RASA2: variants seen among roughly 807,000 people sequenced by gnomAD.
RASA2 encodes the protein RAS p21 protein activator 2, also known as ras GTPase-activating protein 2.
RASA2 carries 155 observed loss-of-function variants against 118.2 expected under a neutral mutation model. The observed-to-expected ratio is 1.31, with a 90% CI of 1.15 to 1.50. The LOEUF is 1.50. Ranked by LOEUF, RASA2 falls within the 40% of genes most tolerant of loss-of-function variation. The pLI is 0.00. For synonymous variants in RASA2, 353 were observed against 349.1 expected (o/e 1.01, Z -0.12); for missense variants, 1,016 against 1,009.6 (o/e 1.01, Z -0.09).
At chr3:141,580,555 T>C (rs1356738762) in intron 16 of RASA2, 104 bp downstream of exon 16, 48 of 581,218 alleles carry the variant, frequency 8.3e-5, no homozygotes, top group Non-Finnish European at 1.1e-4. Context: ...AAACAAAACA[T>C]ACACACACAC....
At chr3:141,533,460 A>G (rs2082286421) in intron 4 of RASA2, among the ~76,000 whole-genome samples, 1 of 152,202 alleles carries the variant, frequency 6.6e-6, no homozygotes, top group African/African-American at 2.4e-5. Context: ...ATGTCAGCGC[A>G]AAGGGTTCCC....
At chr3:141,549,482 T>C (rs1040671986) in intron 5 of RASA2, among the ~76,000 whole-genome samples, 49 of 132,376 alleles carry the variant, frequency 3.7e-4, no homozygotes, top group Admixed American at 2.1e-3. Context: ...AGTGTGTGTG[T>C]GCGTGTGTGT....
chr3:141,518,545 T>C (rs946946396), intron 3 of RASA2, among the ~76,000 whole-genome samples: 20 of 138,186 alleles, frequency 1.4e-4, no homozygotes, highest in African/African-American at 5.3e-4. Context: ...TCCTCTTAAC[T>C]AACTTCTGAT....
intron 19 of RASA2, chr3:141,600,522 G>A (rs893005164): frequency 3.3e-5 from 10 of 304,580 alleles, no homozygotes; most frequent in South Asian, 1.6e-4. Flanking sequence ...CCATGTCATC[G>A]TAGTGCTCTG....
chr3:141,601,288 A>C (rs113289568), intron 19 of RASA2, among the ~76,000 whole-genome samples: 2 of 152,098 alleles, frequency 1.3e-5, no homozygotes, highest in African/African-American at 4.8e-5. Flanking sequence ...TTAGCTGTGC[A>C]TGGTGGCCCA....
chr3:141,516,555 C>A, intron 3 of RASA2, 124 bp downstream of exon 3: 2 of 739,120 alleles, frequency 2.7e-6, no homozygotes, highest in Non-Finnish European at 3.6e-6. Context: ...TTTCTGTAGA[C>A]TACATGTTCA....
At chr3:141,605,264 T>C (rs1422632134) in intron 19 of RASA2, among the ~76,000 whole-genome samples, 1 of 152,218 alleles carries the variant, frequency 6.6e-6, no homozygotes, top group Non-Finnish European at 1.5e-5. Flanking sequence ...CTGAATACTC[T>C]TATTTGTCAG....
At chr3:141,520,862 A>G (rs895630989) in intron 3 of RASA2, among the ~76,000 whole-genome samples, 5 of 152,206 alleles carry the variant, frequency 3.3e-5, no homozygotes, top group African/African-American at 9.6e-5. Context: ...CTGTTTTCAA[A>G]TGAAATGAGT....
intron 19 of RASA2, chr3:141,590,074 C>T: frequency 2.2e-6 from 1 of 452,910 alleles, no homozygotes. Context: ...TTTGTTTTAA[C>T]TATTTTGATG....
intron 1 of RASA2, 119 bp from the exon 2 acceptor site, chr3:141,512,044 G>GTTTT: frequency 2.0e-5 from 11 of 542,892 alleles, no homozygotes; most frequent in South Asian, 6.9e-5. Context: ...AATCACTAGT[G>GTTTT]TTTTTTTTTT....
Position 141,512,194 on chromosome 3 carries a change from AC to A in RASA2, c.169del (p.His57ThrfsTer3). The A allele has an allele frequency of 6.2e-7, 1 of 1,606,524 alleles. No individual in the cohort carries two copies. The highest frequency in any genetic ancestry group is 1.1e-5 in the South Asian group (1 of 88,610). ...EAKNLLPYLGPHKMRDCFCTI... is the reference protein window; with the variant it reads ...EAKNLLPYLGXHKMRDCFCTI... ...CAAAAAATTTATTGCCATATCTTGGACCCCACAAAATGAGAGATTGTTTCTG... is the reference window on the plus strand; with the variant it reads ...CAAAAAATTTATTGCCATATCTTGGACCCACAAAATGAGAGATTGTTTCTG... On this transcript the variant is annotated frameshift_variant, in exon 2 of 24. Transcript: ENST00000286364. LOFTEE classifies it high-confidence loss of function.
chr3:141,534,933 G>A (rs1386667372), intron 4 of RASA2, among the ~76,000 whole-genome samples: 1 of 152,134 alleles, frequency 6.6e-6, no homozygotes, highest in Non-Finnish European at 1.5e-5. Flanking sequence ...ATCATTTATA[G>A]AGGTAATTTC....
rs774246223 is a variant in RASA2, at chr3:141,607,706, A to G, written c.1962A>G (p.Val654=). 2 of 1,599,476 alleles carry G rather than the reference A, an allele frequency of 1.3e-6. No individual in the cohort carries two copies. Among genetic ancestry groups the G allele is most frequent in the South Asian group, 1.1e-5 (1 of 87,480 alleles). The change falls in exon 20 of 24, where the codon GTA becomes GTG. Residue 654 remains valine (V), a synonymous_variant. Transcript: ENST00000286364. ...AAGATGCAATCTACACAATCCCAGT[A>G]AAAAACATTCTTGCTGTGGAAAAAC... The part of the protein sequence containing the change: ...PGKDAIYTIP[V]KNILAVEKLE...
At position 141,554,833 on chromosome 3, in the gene RASA2, T is replaced by A. The variant is rs112851162; in HGVS notation, c.611+893T>A. 8.6e-3 allele frequency among the ~76,000 whole-genome samples: 1,303 copies of A among 152,350 alleles called. 19 individuals are homozygous for A. Among genetic ancestry groups the A allele is most frequent in the African/African-American group, 0.025 (1,046 of 41,570 alleles). ...TACTCAGTCGTATGACATTAAATGC[T>A]ATTAGAGAGATTTATTTTTGTGTGT... On this transcript the variant is annotated intron_variant, in intron 6 of 23. Transcript: ENST00000286364.
At chr3:141,540,636 A>G (rs1379669620) in intron 5 of RASA2, 27 bp downstream of exon 5, 8 of 1,554,742 alleles carry the variant, frequency 5.1e-6, no homozygotes, top group Non-Finnish European at 7.1e-6. Context: ...ACCAAAATCA[A>G]CTAGAAATAA....
Position 141,573,959 on chromosome 3 carries a change from T to C in RASA2, c.1375T>C (p.Tyr459His). Residue 459 changes from tyrosine to histidine, a missense_variant, in exon 14 of 24, where the codon TAT becomes CAT. By Grantham distance (83) the Tyr-to-His change is moderately conservative. Transcript: ENST00000286364. ...AATCCTGCAGGAGAATCTGCGCTACTATGTAGACAAGTTATTCAATACAAT... is the reference window on the plus strand; with the variant it reads ...AATCCTGCAGGAGAATCTGCGCTACCATGTAGACAAGTTATTCAATACAAT... ...VENNKENLRY[Y>H]VDKLFNTIVK... 1 of 1,586,534 alleles carries C rather than the reference T, an allele frequency of 6.3e-7. No homozygotes were observed. The highest frequency in any genetic ancestry group is 2.3e-5 in the East Asian group (1 of 43,448).
chr3:141,572,700 A>T lies in RASA2; in HGVS notation c.1261A>T (p.Thr421Ser). The change falls in exon 12 of 24, where the codon ACA (threonine) becomes TCA (serine). Residue 421 changes from threonine to serine, a missense_variant. Coordinates refer to ENST00000286364, the MANE Select transcript of RASA2 (RefSeq NM_006506.5). Reference protein sequence around the residue: ...KIVGGHYLKVTLKPILDEICD... With the variant: ...KIVGGHYLKVSLKPILDEICD... Reference sequence around the variant, plus strand: ...AGTGGGAGGGCACTACCTGAAAGTAACATTAAAACCTATTCTTGATGAGGT... The same window carrying T: ...AGTGGGAGGGCACTACCTGAAAGTATCATTAAAACCTATTCTTGATGAGGT... The T allele has an allele frequency of 6.2e-7, 1 of 1,610,338 alleles. No homozygotes were observed. Among genetic ancestry groups the T allele is most frequent in the Middle Eastern group, 1.7e-4 (1 of 6,046 alleles).
chr3:141,497,912 T>A (rs779394230), intron 1 of RASA2, among the ~76,000 whole-genome samples: 1 of 152,114 alleles, frequency 6.6e-6, no homozygotes, highest in Non-Finnish European at 1.5e-5. Context: ...CAAATTCTTA[T>A]ATACTTTGCC....
intron 3 of RASA2, among the ~76,000 whole-genome samples, chr3:141,519,954 A>G (rs1403744350): frequency 6.6e-6 from 1 of 151,914 alleles, no homozygotes; most frequent in Non-Finnish European, 1.5e-5. Context: ...GTAGGGGAAT[A>G]ACAGAGACTA....
Sources: gnomAD v4.1 joint callset for allele counts (sites outside exome capture counted in the v4.1 genomes callset) on GRCh38, gnomAD v4.1.1 for gene constraint, MANE v1.5 for transcripts, NCBI Gene and HGNC (gene_info 2026-07-23, HGNC 2026-07-21) for gene names.